Variants in TBC1D4 observed in about 807,000 individuals in gnomAD.
TBC1D4 encodes TBC (Tre-2, BUB2, CDC16) domain-containing protein.
TBC1D4 carries 121 observed loss-of-function variants against 142.5 expected under a neutral mutation model. The observed-to-expected ratio is 0.85, with a 90% CI of 0.73 to 0.99. The LOEUF is 0.99. TBC1D4 is among the 50% of genes least tolerant of loss of function. The pLI is 0.00. For missense variants in TBC1D4, 1,475 were observed against 1,606.6 expected (o/e 0.92, Z 1.40); for synonymous variants, 630 against 628.2 (o/e 1.00, Z -0.04).
At position 75,406,597 on chromosome 13, in the gene TBC1D4, T is replaced by C. The variant is rs76418070; in HGVS notation, c.499-43990A>G. The stretch of plus-strand genomic sequence containing the variant: ...GAGAAGGATGGAGCACACATCACAG[T>C]GTTGTCATCGAGGGGGCCTTTAGGG... On this transcript the variant is annotated intron_variant, in intron 1 of 20. Transcript: ENST00000377636. 3.4e-3 allele frequency among the ~76,000 whole-genome samples: 519 copies of C among 152,286 alleles called. 1 individual carries two copies. The highest frequency in any genetic ancestry group is 0.012 in the African/African-American group (501 of 41,562).
chr13:75,301,568 C>G (rs1047288598), intron 16 of TBC1D4, among the ~76,000 whole-genome samples: 3 of 151,650 alleles, frequency 2.0e-5, no homozygotes, highest in Admixed American at 6.6e-5. Context: ...TGGCATGAAC[C>G]TGGGAGGCGG....
At chr13:75,356,060 A>G (rs1882017754) in intron 4 of TBC1D4, 87 bp downstream of exon 4, 1 of 969,824 alleles carries the variant, frequency 1.0e-6, no homozygotes, top group South Asian at 1.4e-5. Flanking sequence ...AGATAGCCAT[A>G]TTGCAAGGCT....
intron 12 of TBC1D4, among the ~76,000 whole-genome samples, chr13:75,315,415 TA>T (rs1878221783): frequency 9.0e-6 from 1 of 111,296 alleles, no homozygotes; most frequent in Non-Finnish European, 2.0e-5. Flanking sequence ...TATATATATA[TA>T]TACACACACA....
chr13:75,462,191 T>C (rs556021889), intron 1 of TBC1D4, among the ~76,000 whole-genome samples: 3 of 152,170 alleles, frequency 2.0e-5, no homozygotes, highest in Non-Finnish European at 4.4e-5. Flanking sequence ...TTATTTTTAT[T>C]AGTCTCAGAT....
chr13:75,374,034 T>C (rs771702382), intron 1 of TBC1D4, among the ~76,000 whole-genome samples: 3 of 152,176 alleles, frequency 2.0e-5, no homozygotes, highest in Admixed American at 6.5e-5. Flanking sequence ...CTCACACATA[T>C]CTGACTTGAA....
intron 1 of TBC1D4, among the ~76,000 whole-genome samples, chr13:75,461,273 CA>C (rs1444982490): frequency 1.3e-5 from 2 of 152,086 alleles, no homozygotes; most frequent in African/African-American, 4.8e-5. Flanking sequence ...TACACAATGG[CA>C]TGAAAGAAAT....
chr13:75,381,477 C>A (rs9634727), intron 1 of TBC1D4, among the ~76,000 whole-genome samples: 1 of 152,178 alleles, frequency 6.6e-6, no homozygotes, highest in Non-Finnish European at 1.5e-5. Context: ...CTTGTGTATG[C>A]TTAAAAAGAA....
At chr13:75,457,432 A>G (rs566451215) in intron 1 of TBC1D4, among the ~76,000 whole-genome samples, 2 of 152,182 alleles carry the variant, frequency 1.3e-5, no homozygotes, top group Non-Finnish European at 2.9e-5. Context: ...CCTGACAACC[A>G]AAAGTGTCTC....
chr13:75,457,222 C>T (rs567979174), intron 1 of TBC1D4, among the ~76,000 whole-genome samples: 2 of 152,242 alleles, frequency 1.3e-5, no homozygotes, highest in South Asian at 2.1e-4. Context: ...ATATATTATA[C>T]ATCAATTTAA....
At position 75,362,253 on chromosome 13, in the gene TBC1D4, T is replaced by A; in HGVS notation, c.853A>T (p.Ser285Cys). Reference sequence around the variant, plus strand: ...CGAGAGCTGGTCAGGGCAGGCTGGCTGGCCCCGGCAGGTAAGCCAAGGTGG... The same window carrying A: ...CGAGAGCTGGTCAGGGCAGGCTGGCAGGCCCCGGCAGGTAAGCCAAGGTGG... ...DTHLGLPAGA[S>C]QPALTSSRVC... Residue 285 changes from serine to cysteine, a missense_variant, in exon 2 of 21, where the codon AGC becomes TGC. By Grantham distance (112) the Ser-to-Cys change is moderately radical. Transcript: ENST00000377636. This position sits in a 1 kb window ranked among gnomAD's most constrained non-coding sequence, Gnocchi z 4.2. The A allele has an allele frequency of 6.2e-7, 1 of 1,613,814 alleles. No individual in the cohort carries two copies. The highest frequency in any genetic ancestry group is 2.2e-5 in the East Asian group (1 of 44,868).
At chr13:75,397,624 C>T (rs75150542) in intron 1 of TBC1D4, among the ~76,000 whole-genome samples, 2,942 of 152,084 alleles carry the variant, frequency 0.019, 69 homozygotes, top group African/African-American at 0.051. Flanking sequence ...TTTTGATTTG[C>T]TTTGCTTTTT....
At chr13:75,293,510 T>G (rs1487769999) in intron 18 of TBC1D4, among the ~76,000 whole-genome samples, 1 of 152,236 alleles carries the variant, frequency 6.6e-6, no homozygotes, top group Non-Finnish European at 1.5e-5. Flanking sequence ...AACATCATTT[T>G]GATTTGATAC....
chr13:75,481,531 GGCCGCCGGCGCCCCGCA>G lies in TBC1D4; in HGVS notation c.220_236del (p.Cys74ProfsTer27). The G allele has an allele frequency of 1.4e-5, 23 of 1,604,266 alleles. No homozygotes were observed. The highest frequency in any genetic ancestry group is 1.9e-5 in the Non-Finnish European group (22 of 1,175,608). On this transcript the variant is annotated frameshift_variant, in exon 1 of 21. Transcript: ENST00000377636. LOFTEE classifies it high-confidence loss of function. ...CGCTGAGCACCAGGATCACCTCTCG[GGCCGCCGGCGCCCCGCA>G]GCCGCCCGCCTCGGGCTTCTGGCTG...
intron 4 of TBC1D4, among the ~76,000 whole-genome samples, chr13:75,353,265 A>C (rs563789797): frequency 6.6e-6 from 1 of 152,362 alleles, no homozygotes; most frequent in Admixed American, 6.5e-5. Context: ...AACTAAAAAC[A>C]AAACAAAACC....
intron 1 of TBC1D4, among the ~76,000 whole-genome samples, chr13:75,453,638 A>G (rs1337922928): frequency 6.6e-6 from 1 of 152,116 alleles, no homozygotes; most frequent in Non-Finnish European, 1.5e-5. Context: ...AAGGTGGGTG[A>G]ATCACTTGAG....
chr13:75,355,690 A>G (rs1280490942), intron 4 of TBC1D4, among the ~76,000 whole-genome samples: 1 of 152,214 alleles, frequency 6.6e-6, no homozygotes, highest in Non-Finnish European at 1.5e-5. Flanking sequence ...TAAGACCACA[A>G]AGTATATGAT....
chr13:75,348,995 G>C (rs1314717918), intron 5 of TBC1D4, among the ~76,000 whole-genome samples, 175 bp downstream of exon 5: 2 of 140,270 alleles, frequency 1.4e-5, no homozygotes, highest in Non-Finnish European at 3.1e-5. Flanking sequence ...GTGTGTGTGT[G>C]TCAAGCACCT....
At chr13:75,430,086 C>T (rs190082171) in intron 1 of TBC1D4, among the ~76,000 whole-genome samples, 120 of 152,228 alleles carry the variant, frequency 7.9e-4, no homozygotes, top group African/African-American at 2.8e-3. Context: ...AGACAATGAA[C>T]ACAGAAAAAG....
intron 20 of TBC1D4, among the ~76,000 whole-genome samples, chr13:75,287,326 C>G (rs1874790815): frequency 6.6e-6 from 1 of 152,150 alleles, no homozygotes; most frequent in Non-Finnish European, 1.5e-5. Flanking sequence ...GGGATCTGGC[C>G]TGGCTGAAGG....
Sources: allele counts gnomAD v4.1 joint callset (sites outside exome capture counted in the v4.1 genomes callset), GRCh38; gene constraint gnomAD v4.1.1; non-coding constraint Gnocchi (gnomAD v3.1); transcripts MANE v1.5; gene names NCBI Gene and HGNC (gene_info 2026-07-23, HGNC 2026-07-21).